The following NXPH1 variants were observed in gnomAD, a reference collection of about 807,000 sequenced individuals.
The protein encoded by NXPH1 is neurexophilin-1.
NXPH1 carries 5 observed loss-of-function variants against 23.7 expected under a neutral mutation model. The ratio of observed to expected loss-of-function variants is 0.21; its 90% CI spans 0.11 to 0.44. The LOEUF is 0.44. NXPH1 is among the 20% of genes least tolerant of loss of function. NXPH1 has a pLI of 0.99. For missense variants in NXPH1, 324 were observed against 321.6 expected (o/e 1.01, Z -0.06); for synonymous variants, 144 against 122.2 (o/e 1.18, Z -1.18).
At chr7:8,598,897 T>C (rs1199080408) in intron 2 of NXPH1, among the ~76,000 whole-genome samples, 1 of 152,180 alleles carries the variant, frequency 6.6e-6, no homozygotes, top group Non-Finnish European at 1.5e-5. Context: ...CTCTGGGATT[T>C]GGTTATGTCT....
intron 2 of NXPH1, among the ~76,000 whole-genome samples, chr7:8,609,820 G>A (rs932991100): frequency 6.6e-6 from 1 of 152,100 alleles, no homozygotes; most frequent in African/African-American, 2.4e-5. Flanking sequence ...CTTATATTTT[G>A]CTGTTCTAAG....
chr7:8,689,181 T>G (rs978648184), intron 2 of NXPH1, among the ~76,000 whole-genome samples: 2 of 152,012 alleles, frequency 1.3e-5, no homozygotes, highest in African/African-American at 4.8e-5. Context: ...GTTTTCAGAG[T>G]CAAGGGCACT....
chr7:8,463,906 C>T (rs970369893), intron 2 of NXPH1, among the ~76,000 whole-genome samples: 1 of 152,170 alleles, frequency 6.6e-6, no homozygotes, highest in Non-Finnish European at 1.5e-5. Context: ...ATTTCTCCTA[C>T]TCCATATTTG....
At chr7:8,596,458 T>C (rs1429745286) in intron 2 of NXPH1, among the ~76,000 whole-genome samples, 2 of 152,068 alleles carry the variant, frequency 1.3e-5, no homozygotes, top group Non-Finnish European at 2.9e-5. Flanking sequence ...ACTGCCAAAG[T>C]GTTTTTTTAT....
At chr7:8,475,919 T>C (rs1816962847) in intron 2 of NXPH1, among the ~76,000 whole-genome samples, 2 of 152,288 alleles carry the variant, frequency 1.3e-5, no homozygotes, top group East Asian at 1.9e-4. Flanking sequence ...ATAATACCCA[T>C]GTCTGCCACC....
rs574169884 is a variant in NXPH1, at chr7:8,748,413, C to T, written c.55-2595C>T. Among the ~76,000 whole-genome samples the T allele has an allele frequency of 1.1e-4, 16 of 152,300 alleles. No individual in the cohort carries two copies. In the East Asian group the frequency reaches 2.9e-3, roughly 28 times the overall value. On this transcript the variant is annotated intron_variant, in intron 2 of 2. Transcript: ENST00000405863. ...CAATTTCCTATATTTTCCCCAAGAC[C>T]ACTAATGGCCGTCTGATAGCCCCAT...
chr7:8,682,836 C>A (rs939614013), intron 2 of NXPH1, among the ~76,000 whole-genome samples: 5 of 152,122 alleles, frequency 3.3e-5, no homozygotes, highest in African/African-American at 1.2e-4. Flanking sequence ...TTTAATAGTT[C>A]AAGTCATTAG....
intron 2 of NXPH1, among the ~76,000 whole-genome samples, chr7:8,709,886 C>T (rs1172461198): frequency 6.6e-6 from 1 of 152,178 alleles, no homozygotes; most frequent in African/African-American, 2.4e-5. Context: ...TACCAGCAGG[C>T]AGCCAAGTAG....
chr7:8,707,259 C>A (rs1226083181), intron 2 of NXPH1, among the ~76,000 whole-genome samples: 1 of 152,120 alleles, frequency 6.6e-6, no homozygotes, highest in African/African-American at 2.4e-5. Flanking sequence ...TTCTAGCAGG[C>A]CCAGCTTTTC....
chr7:8,677,999 C>G (rs1183318250), intron 2 of NXPH1, among the ~76,000 whole-genome samples: 1 of 151,762 alleles, frequency 6.6e-6, no homozygotes, highest in Non-Finnish European at 1.5e-5. Context: ...TAGTATCAAC[C>G]AATATAAACA....
intron 2 of NXPH1, among the ~76,000 whole-genome samples, chr7:8,578,047 T>TC: frequency 6.6e-6 from 1 of 152,286 alleles, no homozygotes; most frequent in South Asian, 2.1e-4. Flanking sequence ...TTACATTTTT[T>TC]CCCCATCAAA....
At chr7:8,697,503 T>C (rs918003243) in intron 2 of NXPH1, among the ~76,000 whole-genome samples, 1 of 152,192 alleles carries the variant, frequency 6.6e-6, no homozygotes, top group African/African-American at 2.4e-5. Context: ...ACTCATTGTT[T>C]AGACAGACTG....
chr7:8,621,516 T>C (rs1005617999), intron 2 of NXPH1, among the ~76,000 whole-genome samples: 14 of 151,868 alleles, frequency 9.2e-5, no homozygotes, highest in Non-Finnish European at 1.8e-4. Context: ...AGGTGAAGTT[T>C]CACTCTTGTT....
At position 8,751,025 on chromosome 7, in the gene NXPH1, A is replaced by G; in HGVS notation, c.72A>G (p.Leu24=). The G allele has an allele frequency of 6.2e-7, 1 of 1,613,638 alleles. No homozygotes were observed. The highest frequency in any genetic ancestry group is 8.5e-7 in the Non-Finnish European group (1 of 1,179,596). ...PTVYLVTCAN[L]TNGGKSELLK... ...GTTTTCAGGTCACATGTGCCAATTT[A>G]ACGAACGGTGGAAAGTCAGAACTTC... Residue 24 remains leucine (L), a synonymous_variant, in exon 3 of 3, where the codon TTA becomes TTG. Coordinates refer to ENST00000405863, the MANE Select transcript of NXPH1 (RefSeq NM_152745.3). The surrounding 1 kb of genome is among the most constrained non-coding windows in gnomAD (Gnocchi z 4.5).
rs376330058 is a variant in NXPH1 at position 8,537,119 on chromosome 7, A to T, written c.54+101352A>T. Among the ~76,000 whole-genome samples the T allele has an allele frequency of 8.6e-5, 13 of 151,914 alleles. 1 individual carries two copies. The East Asian group carries it at 9.7e-4, about 11-fold the overall frequency. On this transcript the variant is annotated intron_variant, in intron 2 of 2. Transcript: ENST00000405863. ...CCTTCTCAGCATAGCATGCTTTTGT[A>T]TTCCCTCTTGTACTCCTTATTTCTG...
intron 2 of NXPH1, among the ~76,000 whole-genome samples, chr7:8,635,057 A>C (rs1438530982): frequency 2.6e-5 from 4 of 152,192 alleles, no homozygotes; most frequent in Non-Finnish European, 4.4e-5. Context: ...ATCTCTAATC[A>C]CATTTGTCAA....
Position 8,604,167 on chromosome 7 carries a change from A to G in NXPH1, c.55-146841A>G, listed in dbSNP as rs1454956935. On this transcript the variant is annotated intron_variant, in intron 2 of 2. Transcript: ENST00000405863. ...GGCATTTTCTAAGTCAGAATCATGT[A>G]CTACTTGGTACATTTAGAATGATAT... Among the ~76,000 whole-genome samples, 4 of 152,184 alleles carry G rather than the reference A, an allele frequency of 2.6e-5. No homozygotes were observed. In the East Asian group the frequency reaches 7.7e-4, roughly 29 times the overall value.
intron 2 of NXPH1, among the ~76,000 whole-genome samples, chr7:8,665,759 T>C (rs1039759420): frequency 1.4e-5 from 2 of 144,696 alleles, no homozygotes; most frequent in Admixed American, 1.4e-4. Context: ...AAGTATTTTA[T>C]TTTTTGGTAG....
chr7:8,686,347 G>A (rs1821145308), intron 2 of NXPH1, among the ~76,000 whole-genome samples: 1 of 152,066 alleles, frequency 6.6e-6, no homozygotes, highest in South Asian at 2.1e-4. Context: ...TCATTTCTCT[G>A]TGGTAGTTCA....
Sources: gnomAD v4.1 joint callset for allele counts (sites outside exome capture counted in the v4.1 genomes callset) on GRCh38, gnomAD v4.1.1 for gene constraint, Gnocchi (gnomAD v3.1) non-coding constraint, MANE v1.5 for transcripts, NCBI Gene and HGNC (gene_info 2026-07-23, HGNC 2026-07-21) for gene names.